Variants in PRRX1 observed in about 807,000 individuals in gnomAD.
The protein encoded by PRRX1 is paired related homeobox 1, also known as paired mesoderm homeobox protein 1.
A neutral mutation model predicts 24.0 loss-of-function variants in PRRX1; 8 were observed. That is an observed-to-expected ratio of 0.33 (90% confidence interval 0.20 to 0.60). PRRX1 has a LOEUF of 0.60. PRRX1 is among the 20% of genes least tolerant of loss of function. The pLI, the probability that PRRX1 is intolerant of heterozygous loss-of-function variation, is 0.82. For synonymous variants in PRRX1, 160 were observed against 131.7 expected (o/e 1.22, Z -1.47); for missense variants, 281 against 322.4 (o/e 0.87, Z 0.98).
chr1:170,684,343 G>A (rs1653657138), intron 1 of PRRX1, among the ~76,000 whole-genome samples: 1 of 152,142 alleles, frequency 6.6e-6, no homozygotes, highest in African/African-American at 2.4e-5. Flanking sequence ...TCTTACAGAT[G>A]GAACTTTGTA....
In PRRX1 at chr1:170,664,143, T is replaced by TC; in HGVS notation, c.-70dup. 1 of 1,452,734 alleles carries TC rather than the reference T, an allele frequency of 6.9e-7. No individual in the cohort carries two copies. The highest frequency in any genetic ancestry group is 9.2e-7 in the Non-Finnish European group (1 of 1,081,522). The allele number at this position is 1,452,734 out of a possible 1,614,324, so 90.0% of individuals were successfully genotyped here. A position where few individuals can be genotyped will look rare whatever the true frequency, so the allele number is the denominator to read the frequency against. On this transcript the variant is annotated 5_prime_UTR_variant, in exon 1 of 4. Coordinates refer to ENST00000239461, the MANE Select transcript of PRRX1 (RefSeq NM_022716.4). ...CTCTTTCTTCCCCACTCGGCTCCTC[T>TC]CCCCCCTCGCGCCCACAGCGTTTGG...
At chr1:170,695,999 G>C (rs1026885996) in intron 1 of PRRX1, among the ~76,000 whole-genome samples, 1 of 152,144 alleles carries the variant, frequency 6.6e-6, no homozygotes, top group Non-Finnish European at 1.5e-5. Context: ...TCAACATAAA[G>C]GCTTTGTTTG....
chr1:170,735,755 T>A (rs941133869), intron 3 of PRRX1, among the ~76,000 whole-genome samples: 2 of 152,144 alleles, frequency 1.3e-5, no homozygotes, highest in Admixed American at 1.3e-4. Context: ...AGCAACTTTC[T>A]TCTCTCACCC....
At chr1:170,727,439 A>T (rs1655291947) in intron 3 of PRRX1, 1 of 152,186 alleles carries the variant, frequency 6.6e-6, no homozygotes, top group Admixed American at 6.5e-5. Flanking sequence ...TTCATTTATT[A>T]TGCTTTTGTT....
rs1049254213 is a variant in PRRX1, at chr1:170,736,672, G to A, written c.*486G>A. The A allele has an allele frequency of 2.6e-5, 5 of 194,916 alleles. No individual in the cohort carries two copies. Among genetic ancestry groups the A allele is most frequent in the Non-Finnish European group, 4.3e-5 (4 of 93,082 alleles). 12.1% of individuals were successfully genotyped at this position (194,916 alleles called of 1,614,324 possible). On this transcript the variant is annotated 3_prime_UTR_variant, in exon 4 of 4. Coordinates refer to ENST00000239461, the MANE Select transcript of PRRX1 (RefSeq NM_022716.4). ...CTTTATAGAAGCTCTAGGAGCTTTC[G>A]AAAAGCCAAAGTCTTTCTGAAGAAT...
intron 2 of PRRX1, among the ~76,000 whole-genome samples, chr1:170,722,268 T>C (rs1199832470): frequency 6.6e-6 from 1 of 152,182 alleles, no homozygotes; most frequent in African/African-American, 2.4e-5. Context: ...ATGAAATGTA[T>C]TATATTGAGT....
At chr1:170,693,057 A>G (rs1304686023) in intron 1 of PRRX1, among the ~76,000 whole-genome samples, 1 of 152,098 alleles carries the variant, frequency 6.6e-6, no homozygotes, top group Admixed American at 6.6e-5. Flanking sequence ...GGCTAGTCAC[A>G]GCATTTTTCC....
intron 1 of PRRX1, among the ~76,000 whole-genome samples, chr1:170,685,560 G>C (rs1244999565): frequency 1.3e-5 from 2 of 152,202 alleles, no homozygotes; most frequent in African/African-American, 4.8e-5. Flanking sequence ...TTTGGAGTCA[G>C]AAAATCTAGA....
chr1:170,704,981 G>T (rs1203530435), intron 1 of PRRX1, among the ~76,000 whole-genome samples: 1 of 152,138 alleles, frequency 6.6e-6, no homozygotes, highest in Non-Finnish European at 1.5e-5. Context: ...GCTTTGGTCT[G>T]AACTTTGAAA....
At chr1:170,729,276 C>T (rs577586426) in intron 3 of PRRX1, among the ~76,000 whole-genome samples, 1 of 152,300 alleles carries the variant, frequency 6.6e-6, no homozygotes, top group African/African-American at 2.4e-5. Flanking sequence ...ATCAGTGAGG[C>T]ATGCCTGCAG....
intron 1 of PRRX1, among the ~76,000 whole-genome samples, chr1:170,679,172 G>A (rs996459884): frequency 1.3e-5 from 2 of 152,300 alleles, no homozygotes; most frequent in African/African-American, 2.4e-5. Context: ...GAGGCAAACA[G>A]TTTAAGCCTC....
intron 1 of PRRX1, among the ~76,000 whole-genome samples, chr1:170,694,670 C>A (rs538589612): frequency 1.3e-5 from 2 of 152,092 alleles, no homozygotes; most frequent in Non-Finnish European, 2.9e-5. Flanking sequence ...TAGTACCAAG[C>A]AGATCTTCTT....
At chr1:170,698,374 T>G (rs144302617) in intron 1 of PRRX1, among the ~76,000 whole-genome samples, 1 of 152,220 alleles carries the variant, frequency 6.6e-6, no homozygotes, top group Non-Finnish European at 1.5e-5. Flanking sequence ...TTAAAAAAAT[T>G]AAAAACTGAA....
intron 1 of PRRX1, among the ~76,000 whole-genome samples, chr1:170,702,726 A>C (rs971507219): frequency 1.3e-5 from 2 of 152,180 alleles, no homozygotes; most frequent in Admixed American, 1.3e-4. Flanking sequence ...GTTTTATGGT[A>C]CTTAAGGCAA....
Position 170,728,884 on chromosome 1 carries a change from T to C in PRRX1, c.599+2483T>C, listed in dbSNP as rs12084233. 426 of 152,304 alleles carry C rather than the reference T, an allele frequency of 2.8e-3. 2 individuals are homozygous for C. The highest frequency in any genetic ancestry group is 9.7e-3 in the African/African-American group (404 of 41,560). The allele number at this position is 152,304 out of a possible 1,614,324, so 9.4% of individuals were successfully genotyped here. ...TAAGGAAATAAAAAAGAAAAACAAGTGATCCAAAGCAAAGGAAATGATAGA... is the reference window on the plus strand; with the variant it reads ...TAAGGAAATAAAAAAGAAAAACAAGCGATCCAAAGCAAAGGAAATGATAGA... On this transcript the variant is annotated intron_variant, in intron 3 of 3. Coordinates refer to ENST00000239461, the MANE Select transcript of PRRX1 (RefSeq NM_022716.4).
At chr1:170,715,303 T>C (rs1211821809) in intron 1 of PRRX1, among the ~76,000 whole-genome samples, 1 of 152,236 alleles carries the variant, frequency 6.6e-6, no homozygotes, top group Non-Finnish European at 1.5e-5. Context: ...GGACTGCTTC[T>C]ATACCATGAC....
At chr1:170,709,481 G>C (rs1654674873) in intron 1 of PRRX1, among the ~76,000 whole-genome samples, 1 of 152,124 alleles carries the variant, frequency 6.6e-6, no homozygotes, top group Non-Finnish European at 1.5e-5. Context: ...GACAAAGAGA[G>C]GCCCATGCAG....
chr1:170,716,422 A>C (rs1654909241), intron 1 of PRRX1, among the ~76,000 whole-genome samples: 1 of 152,208 alleles, frequency 6.6e-6, no homozygotes, highest in East Asian at 1.9e-4. Context: ...GTTTCTACTA[A>C]AAATACAAAA....
At chr1:170,733,572 T>C (rs1377561283) in intron 3 of PRRX1, among the ~76,000 whole-genome samples, 1 of 152,174 alleles carries the variant, frequency 6.6e-6, no homozygotes, top group African/African-American at 2.4e-5. Context: ...TTGTTCTCAA[T>C]ACTTAGCAAA....
Sources: gnomAD v4.1 joint callset for allele counts (sites outside exome capture counted in the v4.1 genomes callset) on GRCh38, gnomAD v4.1.1 for gene constraint, MANE v1.5 for transcripts, NCBI Gene and HGNC (gene_info 2026-07-23, HGNC 2026-07-21) for gene names.